The following GADL1 variants were observed in gnomAD, a reference collection of about 807,000 sequenced individuals.
GADL1 encodes GAD like acidic amino acid decarboxylase 1.
A neutral mutation model predicts 69.5 loss-of-function variants in GADL1; 71 were observed. That is an observed-to-expected ratio of 1.02 (90% CI 0.84 to 1.25). The LOEUF is 1.25. Ranked by LOEUF, GADL1 falls within the 50% of genes most tolerant of loss-of-function variation. The pLI, the probability that GADL1 is intolerant of heterozygous loss-of-function variation, is 0.00. For synonymous variants in GADL1, 254 were observed against 214.4 expected (o/e 1.18, Z -1.62); for missense variants, 737 against 631.8 (o/e 1.17, Z -1.79).
At chr3:30,750,795 C>T (rs1204429830) in intron 14 of GADL1, among the ~76,000 whole-genome samples, 1 of 152,024 alleles carries the variant, frequency 6.6e-6, no homozygotes, top group Non-Finnish European at 1.5e-5. Context: ...AACTTATTTT[C>T]AGCTTGACTA....
At chr3:30,857,624 C>T (rs966448482) in intron 2 of GADL1, among the ~76,000 whole-genome samples, 33 of 152,048 alleles carry the variant, frequency 2.2e-4, no homozygotes, top group African/African-American at 7.9e-4. Flanking sequence ...AGTCTGCTAT[C>T]GACCTAGCAG....
intron 11 of GADL1, among the ~76,000 whole-genome samples, chr3:30,825,778 G>A (rs918422420): frequency 5.3e-5 from 8 of 151,842 alleles, no homozygotes; most frequent in Non-Finnish European, 7.4e-5. Flanking sequence ...GTCCTCAGGT[G>A]GGGAACAAGG....
intron 1 of GADL1, among the ~76,000 whole-genome samples, chr3:30,877,005 C>A (rs1454652170): frequency 1.3e-5 from 2 of 151,798 alleles, no homozygotes; most frequent in Admixed American, 6.6e-5. Flanking sequence ...CTAACAAATA[C>A]CTATTATTTT....
At chr3:30,769,403 G>A (rs1696363838) in intron 14 of GADL1, among the ~76,000 whole-genome samples, 1 of 152,010 alleles carries the variant, frequency 6.6e-6, no homozygotes, top group Admixed American at 6.5e-5. Flanking sequence ...CACACACCCA[G>A]ATACCTCCTT....
At chr3:30,890,819 T>C (rs557068850) in intron 1 of GADL1, among the ~76,000 whole-genome samples, 3 of 152,314 alleles carry the variant, frequency 2.0e-5, no homozygotes, top group Non-Finnish European at 4.4e-5. Flanking sequence ...ATAACCTCAT[T>C]AACTTTCACA....
intron 14 of GADL1, among the ~76,000 whole-genome samples, chr3:30,764,831 C>T (rs1696231522): frequency 6.6e-6 from 1 of 152,160 alleles, no homozygotes; most frequent in Non-Finnish European, 1.5e-5. Context: ...AGTGATATTA[C>T]AGTTGACTAA....
At chr3:30,776,009 C>G (rs1696527828) in intron 14 of GADL1, among the ~76,000 whole-genome samples, 1 of 152,110 alleles carries the variant, frequency 6.6e-6, no homozygotes, top group African/African-American at 2.4e-5. Context: ...TCGCTTGAAC[C>G]CGAGAGGCGG....
At chr3:30,771,324 C>T (rs532752448) in intron 14 of GADL1, among the ~76,000 whole-genome samples, 60 of 152,276 alleles carry the variant, frequency 3.9e-4, no homozygotes, top group African/African-American at 1.3e-3. Flanking sequence ...CATTAGAATG[C>T]ATGACAAATT....
In GADL1 at chr3:30,861,693, C is replaced by G. The variant is rs975104019; in HGVS notation, c.110G>C (p.Gly37Ala). Residue 37 changes from glycine (G) to alanine (A), a missense_variant, in exon 2 of 15, where the codon GGT becomes GCT. Coordinates refer to ENST00000282538, the MANE Select transcript of GADL1 (RefSeq NM_207359.3). The part of the protein sequence containing the change: ...AVLVDGVVLN[G>A]PTTDAKAGEK... ...TCCAGCTTTTGCATCTGTTGTAGGA[C>G]CATTCAGCACAACCCCATCCACAAG... The G allele has an allele frequency of 1.3e-6, 2 of 1,549,564 alleles. No homozygotes were observed. Among genetic ancestry groups the G allele is most frequent in the Non-Finnish European group, 1.7e-6 (2 of 1,145,144 alleles).
intron 1 of GADL1, among the ~76,000 whole-genome samples, chr3:30,888,968 A>T (rs1242731953): frequency 1.3e-5 from 2 of 151,878 alleles, no homozygotes; most frequent in African/African-American, 4.8e-5. Context: ...AATGTATAAT[A>T]TTAAAAGTTT....
At chr3:30,828,907 G>A (rs1697738797) in intron 11 of GADL1, among the ~76,000 whole-genome samples, 1 of 151,840 alleles carries the variant, frequency 6.6e-6, no homozygotes. Context: ...AGGGATTTAT[G>A]CTAAAGGAAT....
intron 11 of GADL1, among the ~76,000 whole-genome samples, chr3:30,814,964 A>AT (rs1019897704): frequency 1.4e-5 from 2 of 140,692 alleles, no homozygotes; most frequent in Admixed American, 7.2e-5. Context: ...ACTCTGTCTC[A>AT]TTTAAAAAAA....
chr3:30,732,251 C>T (rs1362208289), intron 14 of GADL1, among the ~76,000 whole-genome samples: 1 of 152,124 alleles, frequency 6.6e-6, no homozygotes, highest in African/African-American at 2.4e-5. Flanking sequence ...ATCCAGATAC[C>T]ACCCCTAAAT....
intron 11 of GADL1, among the ~76,000 whole-genome samples, chr3:30,810,054 C>CTT (rs1697322987): frequency 6.6e-6 from 1 of 152,074 alleles, no homozygotes; most frequent in Non-Finnish European, 1.5e-5. Context: ...AACAGTCTGC[C>CTT]CTGTTCTCTT....
Position 30,800,907 on chromosome 3 carries a change from C to T in GADL1, c.1232G>A (p.Arg411His), listed in dbSNP as rs530115326. Residue 411 changes from arginine to histidine, a missense_variant, in exon 12 of 15, where the codon CGT (arginine) becomes CAT (histidine). Transcript: ENST00000282538. ...GTLGLEERVN[R>H]ALALSRYLVD... ...CTAGTACCTAGATAAAGCAAGAGCA[C>T]GATTAACTCTTTCTTCAAGGCCTAA... The T allele has an allele frequency of 2.8e-5, 45 of 1,608,722 alleles. No individual in the cohort carries two copies. The highest frequency in any genetic ancestry group is 4.5e-5 in the East Asian group (2 of 44,706).
At chr3:30,829,133 C>G (rs1020922421) in intron 11 of GADL1, among the ~76,000 whole-genome samples, 1 of 150,154 alleles carries the variant, frequency 6.7e-6, no homozygotes, top group East Asian at 1.9e-4. Context: ...TGATCCAAAA[C>G]AGCCACGCAA....
chr3:30,883,509 G>T (rs11706869), intron 1 of GADL1, among the ~76,000 whole-genome samples: 1 of 151,662 alleles, frequency 6.6e-6, no homozygotes, highest in Non-Finnish European at 1.5e-5. Context: ...TTATCAATAC[G>T]TCTGTCTTTA....
intron 9 of GADL1, among the ~76,000 whole-genome samples, chr3:30,836,876 A>G (rs187489056): frequency 2.0e-5 from 3 of 152,198 alleles, no homozygotes; most frequent in Admixed American, 2.0e-4. Context: ...AAGGAAGAGA[A>G]CAGTACTGGA....
chr3:30,812,544 G>GCC (rs1697377686), intron 11 of GADL1, among the ~76,000 whole-genome samples: 3 of 152,138 alleles, frequency 2.0e-5, no homozygotes, highest in African/African-American at 7.2e-5. Context: ...GGAAAGACCT[G>GCC]CCCCCATGAT....
Sources: allele counts gnomAD v4.1 joint callset (sites outside exome capture counted in the v4.1 genomes callset), GRCh38; gene constraint gnomAD v4.1.1; transcripts MANE v1.5; gene names NCBI Gene and HGNC (gene_info 2026-07-23, HGNC 2026-07-21).